Variants in DOCK9 observed in about 807,000 individuals in gnomAD.
DOCK9 encodes dedicator of cytokinesis 9.
A neutral mutation model predicts 263.3 loss-of-function variants in DOCK9; 89 were observed. The observed-to-expected ratio is 0.34, with a 90% CI of 0.28 to 0.40. The LOEUF (loss-of-function observed/expected upper bound fraction) is 0.40. Among genes scored for constraint, DOCK9 ranks in the 10% least tolerant of loss-of-function variants. DOCK9 has a pLI of 1.00. For missense variants in DOCK9, 2,140 were observed against 2,603.4 expected (o/e 0.82, Z 3.87); for synonymous variants, 976 against 973.1 (o/e 1.00, Z -0.06).
Position 98,808,709 on chromosome 13 carries a change from T to C in DOCK9, c.5367+643A>G, listed in dbSNP as rs78318747. On this transcript the variant is annotated intron_variant, in intron 47 of 52. Transcript: ENST00000682017. ...TTATAAAAGACAATAACAGAATAAA[T>C]TGAAGGTTATATAATGCTCATAGAA... 3.5e-5 allele frequency: 50 copies of C among 1,424,930 alleles called. No individual in the cohort carries two copies. The East Asian group carries it at 8.5e-4, about 24-fold the overall frequency. 88.3% of individuals were successfully genotyped at this position (1,424,930 alleles called of 1,614,324 possible).
chr13:98,882,342 T>C (rs1305509616), intron 23 of DOCK9, among the ~76,000 whole-genome samples: 10 of 152,138 alleles, frequency 6.6e-5, no homozygotes. Context: ...GTCAGAGAGA[T>C]GCTGTGTGGC....
chr13:98,898,116 GC>G (rs2047706838), intron 14 of DOCK9, 62 bp downstream of exon 14: 2 of 1,097,984 alleles, frequency 1.8e-6, no homozygotes, highest in Non-Finnish European at 2.7e-6. Flanking sequence ...AACAGAATAG[GC>G]CTATTGACCC....
chr13:99,002,515 C>T (rs1054628369), intron 1 of DOCK9, among the ~76,000 whole-genome samples: 5 of 152,208 alleles, frequency 3.3e-5, no homozygotes, highest in Admixed American at 1.3e-4. Flanking sequence ...TCAGGTGTCA[C>T]CTTCTCTTCT....
In DOCK9 at chr13:98,863,048, C is replaced by T; in HGVS notation, c.3550G>A (p.Val1184Met). ...ENVQRINVRDVSPFPVNAGMT... is the reference protein window; with the variant it reads ...ENVQRINVRDMSPFPVNAGMT... ...CCCGCGTTCACAGGGAAGGGTGACA[C>T]ATCCCTCACATTGATCCGCTGGACG... The change falls in exon 32 of 53, where the codon GTG becomes ATG. Residue 1184 changes from valine (V) to methionine (M), a missense_variant. Physicochemically the swap from Val to Met is conservative, Grantham distance 21 (BLOSUM62 1). Around this residue, in one of 2 missense-constraint regions of DOCK9, gnomAD observed 1,521 missense variants for 1,741.7 expected, o/e 0.87. Transcript: ENST00000682017. 3.1e-6 allele frequency: 5 copies of T among 1,610,658 alleles called. No individual in the cohort carries two copies. The highest frequency in any genetic ancestry group is 2.2e-5 in the East Asian group (1 of 44,800).
At chr13:98,926,018 A>G (rs1479191406) in intron 3 of DOCK9, 99 bp from the exon 4 acceptor site, 12 of 904,120 alleles carry the variant, frequency 1.3e-5, no homozygotes, top group Non-Finnish European at 1.8e-5. Flanking sequence ...CCATAGAAAC[A>G]TCAAAAAAAT....
chr13:98,961,121 T>C (rs1371918223), intron 1 of DOCK9, among the ~76,000 whole-genome samples: 10 of 152,130 alleles, frequency 6.6e-5, no homozygotes, highest in Non-Finnish European at 1.2e-4. Flanking sequence ...AATGCAGAGC[T>C]AAGGTCAAGC....
At chr13:99,060,270 G>A (rs1376940691) in intron 1 of DOCK9, among the ~76,000 whole-genome samples, 1 of 151,434 alleles carries the variant, frequency 6.6e-6, no homozygotes, top group Non-Finnish European at 1.5e-5. Flanking sequence ...GTAGAGACGG[G>A]GTTTCACCGT....
chr13:98,871,855 A>C (rs2094195382), intron 27 of DOCK9: 2 of 152,920 alleles, frequency 1.3e-5, no homozygotes, highest in African/African-American at 4.8e-5. Flanking sequence ...CTCTCTAGCC[A>C]CATGCGGGAT....
chr13:98,831,966 A>G (rs2092782179), intron 39 of DOCK9, 180 bp from the exon 40 acceptor site: 2 of 717,712 alleles, frequency 2.8e-6, no homozygotes, highest in Non-Finnish European at 4.4e-6. Flanking sequence ...AAATCTATCA[A>G]TACATTTATG....
chr13:98,799,442 T>C (rs2089843687), intron 50 of DOCK9, among the ~76,000 whole-genome samples: 1 of 151,768 alleles, frequency 6.6e-6, no homozygotes, highest in African/African-American at 2.4e-5. Context: ...CTGGAGGGAG[T>C]GATTTAACAC....
intron 2 of DOCK9, among the ~76,000 whole-genome samples, chr13:98,937,916 C>T (rs2055159369): frequency 6.6e-6 from 1 of 152,296 alleles, no homozygotes; most frequent in South Asian, 2.1e-4. Flanking sequence ...TGTTTCTGAG[C>T]CACTGTGGGA....
At chr13:98,794,844 A>G in intron 52 of DOCK9, 96 bp from the exon 53 acceptor site, 1 of 1,404,094 alleles carries the variant, frequency 7.1e-7, no homozygotes, top group Non-Finnish European at 9.9e-7. Flanking sequence ...CAAGTGTAAC[A>G]AAATGTTACA....
At chr13:98,963,154 A>G (rs1224813906) in intron 1 of DOCK9, among the ~76,000 whole-genome samples, 3 of 152,140 alleles carry the variant, frequency 2.0e-5, no homozygotes, top group Non-Finnish European at 4.4e-5. Context: ...GCCTCTAGCA[A>G]TCACACTTCC....
At chr13:99,042,687 C>T (rs1042087026) in intron 1 of DOCK9, among the ~76,000 whole-genome samples, 1 of 152,142 alleles carries the variant, frequency 6.6e-6, no homozygotes, top group South Asian at 2.1e-4. Flanking sequence ...ATTCCCCAGG[C>T]GTTTACATTT....
intron 1 of DOCK9, among the ~76,000 whole-genome samples, chr13:99,065,381 A>T (rs980953022): frequency 6.6e-6 from 1 of 152,144 alleles, no homozygotes; most frequent in African/African-American, 2.4e-5. Context: ...AAGCTCTGAC[A>T]ACACAGTCAC....
chr13:98,999,094 C>T (rs1417278283), intron 1 of DOCK9, among the ~76,000 whole-genome samples: 2 of 152,156 alleles, frequency 1.3e-5, no homozygotes, highest in Non-Finnish European at 2.9e-5. Flanking sequence ...ACCCAAACTT[C>T]AGAGAGTCAC....
intron 3 of DOCK9, 77 bp downstream of exon 3, chr13:98,930,091 T>G (rs1242265265): frequency 1.5e-6 from 2 of 1,321,360 alleles, no homozygotes; most frequent in Admixed American, 4.0e-5. Flanking sequence ...TCCTTGACAA[T>G]TTTGAAATTT....
chr13:99,072,159 T>G (rs2041708034), intron 1 of DOCK9, among the ~76,000 whole-genome samples: 1 of 152,234 alleles, frequency 6.6e-6, no homozygotes, highest in Non-Finnish European at 1.5e-5. Context: ...TGTTTCAGAC[T>G]TGATGGCTTT....
intron 1 of DOCK9, among the ~76,000 whole-genome samples, chr13:99,085,878 G>A (rs2042316263): frequency 6.6e-6 from 1 of 151,828 alleles, no homozygotes; most frequent in South Asian, 2.1e-4. Context: ...GGGGAGGGGG[G>A]AGAGTGTAAT....
Sources: gnomAD v4.1 joint callset for allele counts (sites outside exome capture counted in the v4.1 genomes callset) on GRCh38, gnomAD v4.1.1 for gene constraint, gnomAD v4.1.1 regional missense constraint, MANE v1.5 for transcripts, NCBI Gene and HGNC (gene_info 2026-07-23, HGNC 2026-07-21) for gene names.